The following SAMMSON variants were observed in gnomAD, a reference collection of about 807,000 sequenced individuals.
SAMMSON encodes long intergenic non-protein coding RNA 1212.
At chr3:70,405,949 G>A (rs913080394) in intron 2 of SAMMSON, among the ~76,000 whole-genome samples, 7 of 152,122 alleles carry the variant, frequency 4.6e-5, no homozygotes, top group Admixed American at 2.0e-4. Context: ...CAATGCCTGA[G>A]AAAAAGGCAT....
At chr3:69,999,738 G>C (rs1240627044), upstream of SAMMSON, 1 of 152,358 alleles carries the variant, frequency 6.6e-6, no homozygotes, top group Non-Finnish European at 1.5e-5. Flanking sequence ...CTAGCGGGCA[G>C]ACACACTGAA....
chr3:70,242,384 T>C (rs1701672855), intron 4 of SAMMSON, among the ~76,000 whole-genome samples: 1 of 152,192 alleles, frequency 6.6e-6, no homozygotes, highest in Non-Finnish European at 1.5e-5. Context: ...TTCCCATTTG[T>C]GGAAAATTTC....
At chr3:70,308,592 C>T (rs964753921) in intron 7 of SAMMSON, among the ~76,000 whole-genome samples, 6 of 152,238 alleles carry the variant, frequency 3.9e-5, no homozygotes, top group Admixed American at 2.0e-4. Flanking sequence ...AATTAGGAGC[C>T]TCTTTGCCTT....
At chr3:70,183,954 C>T (rs545624576) in intron 4 of SAMMSON, 1 of 152,252 alleles carries the variant, frequency 6.6e-6, no homozygotes, top group East Asian at 1.9e-4. Context: ...GAATCACAAT[C>T]TTTTTTGGAT....
chr3:70,030,738 T>A (rs1414020578), intron 3 of SAMMSON: 4 of 152,152 alleles, frequency 2.6e-5, no homozygotes, highest in South Asian at 4.1e-4. Context: ...AGGACGTGAA[T>A]AGACATTTGT....
chr3:70,138,648 A>G (rs1376600978), intron 4 of SAMMSON, among the ~76,000 whole-genome samples: 1 of 152,194 alleles, frequency 6.6e-6, no homozygotes, highest in Non-Finnish European at 1.5e-5. Context: ...CACAAGATAC[A>G]TTCAGTTCAT....
chr3:70,318,214 A>T (rs1702508705), intron 7 of SAMMSON, among the ~76,000 whole-genome samples: 1 of 151,882 alleles, frequency 6.6e-6, no homozygotes, highest in Non-Finnish European at 1.5e-5. Flanking sequence ...TTTCTGTCCC[A>T]TTCTCTGTAT....
In SAMMSON at chr3:70,125,251, A is replaced by G. The variant is rs1031472509; in HGVS notation, n.507+53686A>G. The G allele has an allele frequency of 3.9e-6, 5 of 1,276,626 alleles. No individual in the cohort carries two copies. In the East Asian group the frequency reaches 6.9e-5, roughly 18 times the overall value. The allele number at this position is 1,276,626 out of a possible 1,614,324, so 79.1% of individuals were successfully genotyped here. A position where few individuals can be genotyped will look rare whatever the true frequency, so the allele number is the denominator to read the frequency against. ...TACGACCTTCTTTCATCAAACGTAT[A>G]TCAAACATGATCTACTGTGTTTCTG... is the stretch of plus-strand genomic sequence containing the variant. On this transcript the variant is annotated intron_variant and non_coding_transcript_variant, in intron 4 of 9. Coordinates refer to ENST00000642114, the Ensembl canonical transcript of SAMMSON.
At chr3:70,222,431 G>A (rs753530856) in intron 4 of SAMMSON, among the ~76,000 whole-genome samples, 1 of 152,054 alleles carries the variant, frequency 6.6e-6, no homozygotes, top group Non-Finnish European at 1.5e-5. Context: ...TTAATAATTG[G>A]TATTTATGGA....
intron 2 of SAMMSON, among the ~76,000 whole-genome samples, chr3:70,408,707 G>A (rs111983164): frequency 0.027 from 4,102 of 152,078 alleles, 217 homozygotes; most frequent in African/African-American, 0.094. Context: ...ACATTTTCCT[G>A]TCTTCTCCTG....
At chr3:70,253,687 T>A (rs1314028662) in intron 6 of SAMMSON, among the ~76,000 whole-genome samples, 3 of 152,284 alleles carry the variant, frequency 2.0e-5, no homozygotes, top group South Asian at 4.1e-4. Context: ...AACACCACTG[T>A]ACTGCAGCCT....
intron 4 of SAMMSON, among the ~76,000 whole-genome samples, chr3:70,130,230 C>G (rs2067477066): frequency 6.6e-6 from 1 of 152,136 alleles, no homozygotes; most frequent in South Asian, 2.1e-4. Context: ...AGTTGAGCAG[C>G]TGTAAGTCAA....
intron 2 of SAMMSON, among the ~76,000 whole-genome samples, chr3:70,406,940 GA>G (rs1298796266): frequency 2.0e-5 from 3 of 152,192 alleles, no homozygotes; most frequent in Non-Finnish European, 4.4e-5. Context: ...AGACTGGGAA[GA>G]AAAAGAGGTT....
intron 3 of SAMMSON, among the ~76,000 whole-genome samples, chr3:70,048,111 AT>A (rs201592111): frequency 2.6e-5 from 4 of 151,276 alleles, no homozygotes; most frequent in East Asian, 3.9e-4. Context: ...TTATTCATTC[AT>A]TTTTTTTTAC....
At chr3:70,158,970 G>A (rs2067603204) in intron 4 of SAMMSON, among the ~76,000 whole-genome samples, 1 of 151,656 alleles carries the variant, frequency 6.6e-6, no homozygotes, top group Non-Finnish European at 1.5e-5. Flanking sequence ...AACCTTTTGT[G>A]ACTTACTCAG....
intron 7 of SAMMSON, among the ~76,000 whole-genome samples, chr3:70,314,558 CAA>C (rs1702482151): frequency 1.3e-5 from 2 of 151,924 alleles, no homozygotes; most frequent in South Asian, 4.2e-4. Context: ...AGAGACAACA[CAA>C]GAGATAAAGG....
intron 2 of SAMMSON, among the ~76,000 whole-genome samples, chr3:70,408,039 C>T (rs1020987018): frequency 6.6e-6 from 1 of 152,230 alleles, no homozygotes; most frequent in Non-Finnish European, 1.5e-5. Flanking sequence ...ACGCTTGAGG[C>T]TTGCACCCTC....
intron 7 of SAMMSON, among the ~76,000 whole-genome samples, chr3:70,314,911 C>A (rs1030525990): frequency 6.6e-6 from 1 of 151,994 alleles, no homozygotes; most frequent in Non-Finnish European, 1.5e-5. Flanking sequence ...TCCTTATGTC[C>A]AACTAAACAG....
At chr3:70,075,677 G>A (rs1306354970) in intron 4 of SAMMSON, among the ~76,000 whole-genome samples, 1 of 152,056 alleles carries the variant, frequency 6.6e-6, no homozygotes, top group Non-Finnish European at 1.5e-5. Flanking sequence ...ACCTACTAGT[G>A]CTTTAAAACA....
Sources: gnomAD v4.1 joint callset for allele counts (sites outside exome capture counted in the v4.1 genomes callset) on GRCh38, gnomAD v4.1.1 for gene constraint, MANE v1.5 for transcripts, NCBI Gene and HGNC (gene_info 2026-07-23, HGNC 2026-07-21) for gene names.